Variants in NME4 observed in about 807,000 individuals in gnomAD.
NME4 encodes the protein nucleoside diphosphate kinase D, mitochondrial.
In NME4, 21 loss-of-function variants were observed where a neutral mutation model predicts 16.4. The ratio of observed to expected loss-of-function variants is 1.28; its 90% CI spans 0.91 to 1.84. NME4 has a LOEUF of 1.84. Among genes scored for constraint, NME4 ranks in the 40% most tolerant of loss-of-function variants. NME4 has a pLI of 0.00. For missense variants in NME4, 316 were observed against 261.3 expected (o/e 1.21, Z -1.44); for synonymous variants, 132 against 107.5 (o/e 1.23, Z -1.41).
chr16:400,478 G>C lies in NME4; in HGVS notation c.*136G>C, dbSNP rs2054639802. 1.7e-6 allele frequency: 2 copies of C among 1,143,436 alleles called. No individual in the cohort carries two copies. Among genetic ancestry groups the C allele is most frequent in the Non-Finnish European group, 2.4e-6 (2 of 842,962 alleles). 70.8% of individuals were successfully genotyped at this position (1,143,436 alleles called of 1,614,324 possible). A position where few individuals can be genotyped will look rare whatever the true frequency, so the allele number is the denominator to read the frequency against. On this transcript the variant is annotated 3_prime_UTR_variant, in exon 5 of 5. Coordinates refer to ENST00000219479, the MANE Select transcript of NME4 (RefSeq NM_005009.3). ...TTCACCTCTGCCCCACCCCAGCCCA[G>C]AGGAGTTTGAGCCACCAACTTCAGT...
In NME4 at chr16:399,029, T is replaced by C; in HGVS notation, c.131T>C (p.Val44Ala). Residue 44 changes from valine (V) to alanine (A), a missense_variant, in exon 2 of 5, where the codon GTG becomes GCG. Transcript: ENST00000219479. ...SWTRERTLVA[V>A]KPDGVQRRLV... Reference sequence around the variant, plus strand: ...ACCCGGGAGCGGACCCTGGTGGCGGTGAAGCCCGATGGCGTGCAACGGCGG... The same window carrying C: ...ACCCGGGAGCGGACCCTGGTGGCGGCGAAGCCCGATGGCGTGCAACGGCGG... 3 of 1,609,448 alleles carry C rather than the reference T, an allele frequency of 1.9e-6. No individual in the cohort carries two copies. Among genetic ancestry groups the C allele is most frequent in the South Asian group, 1.1e-5 (1 of 91,066 alleles).
At chr16:397,762 C>A (rs1461893983) in intron 1 of NME4, 1 of 1,132,512 alleles carries the variant, frequency 8.8e-7, no homozygotes, top group Non-Finnish European at 1.1e-6. Context: ...TCCGCTGGGG[C>A]GTTCGCTGAA....
intron 1 of NME4, chr16:398,434 G>C: frequency 8.4e-7 from 1 of 1,195,580 alleles, no homozygotes; most frequent in Non-Finnish European, 1.1e-6. Context: ...ATTCACCTCA[G>C]ACACAGGGTG....
intron 1 of NME4, chr16:397,942 AGCCCCAGGCTACACAAGGC>A (rs1274353815): frequency 1.0e-5 from 16 of 1,549,316 alleles, no homozygotes; most frequent in Non-Finnish European, 1.4e-5. Context: ...GCCGCAGCAG[AGCCCCAGGCTACACAAGGC>A]GCCCTGCAAA....
At chr16:399,980 C>T (rs28394836) in intron 4 of NME4, 280,669 of 676,946 alleles carry the variant, frequency 0.41, 59,776 homozygotes, top group African/African-American at 0.58. Flanking sequence ...GGGGTTGGCA[C>T]GGGGCAACTT....
intron 3 of NME4, 46 bp from the exon 4 acceptor site, chr16:399,581 C>A: frequency 6.3e-7 from 1 of 1,596,548 alleles, no homozygotes; most frequent in Non-Finnish European, 8.6e-7. Context: ...AGCCCAGGGG[C>A]CCTTGGTGTT....
chr16:397,826 C>G (rs1238792779), intron 1 of NME4: 2 of 1,519,784 alleles, frequency 1.3e-6, no homozygotes, highest in Non-Finnish European at 8.8e-7. Flanking sequence ...TCCCCGGCCC[C>G]GCCGCTGCCC....
In NME4 at chr16:399,607, A is replaced by C. The variant is rs1278819706; in HGVS notation, c.328-20A>C. Reference sequence around the variant, plus strand: ...CCTTGGTGTTCCCCACTTCTCCCCAACCATTATCTCTCGCTGCAGGTCTGG... The same window carrying C: ...CCTTGGTGTTCCCCACTTCTCCCCACCCATTATCTCTCGCTGCAGGTCTGG... On this transcript the variant is annotated intron_variant, in intron 3 of 4. Coordinates refer to ENST00000219479, the MANE Select transcript of NME4 (RefSeq NM_005009.3). 6.2e-7 allele frequency: 1 copy of C among 1,610,498 alleles called. No homozygotes were observed.
At chr16:399,981 G>GTA (rs2054625167) in intron 4 of NME4, 3 of 682,838 alleles carry the variant, frequency 4.4e-6, no homozygotes, top group Non-Finnish European at 5.0e-6. Flanking sequence ...GGGTTGGCAC[G>GTA]GGGCAACTTG....
At chr16:397,185 C>T (rs2054559006), upstream of NME4, 1 of 928,638 alleles carries the variant, frequency 1.1e-6, no homozygotes, top group Non-Finnish European at 1.3e-6. Context: ...CCTCCGCGCC[C>T]GCTCCTCGCG....
At position 400,299 on chromosome 16, in the gene NME4, G is replaced by A; in HGVS notation, c.521G>A (p.Ser174Asn). ...QLWFQSSELV[S>N]WADGGQHSSI... ...TGGTTCCAGAGCAGTGAGCTGGTGA[G>A]CTGGGCAGACGGGGGCCAGCACAGC... Residue 174 changes from serine to asparagine, a missense_variant, in exon 5 of 5, where the codon AGC (serine) becomes AAC (asparagine). Coordinates refer to ENST00000219479, the MANE Select transcript of NME4 (RefSeq NM_005009.3). The A allele has an allele frequency of 6.2e-7, 1 of 1,606,982 alleles. No individual in the cohort carries two copies. The highest frequency in any genetic ancestry group is 1.7e-5 in the Admixed American group (1 of 59,112).
intron 1 of NME4, chr16:398,241 C>G (rs1355834465): frequency 7.0e-7 from 1 of 1,422,166 alleles, no homozygotes; most frequent in Non-Finnish European, 9.4e-7. Context: ...TGGGGCGGAG[C>G]TCAGCGCTGA....
At chr16:397,108 CGGCGGGG>C (rs2054557496), upstream of NME4, 2 of 52,512 alleles carry the variant, frequency 3.8e-5, no homozygotes, top group African/African-American at 9.9e-4. Flanking sequence ...GGGTCCGGGG[CGGCGGGG>C]GGCTCCGGGG....
At chr16:398,314 C>T (rs1257898288) in intron 1 of NME4, 13 of 1,330,350 alleles carry the variant, frequency 9.8e-6, no homozygotes, top group South Asian at 4.9e-5. Flanking sequence ...TCTCCTGGCT[C>T]GGACAGAACC....
At position 400,515 on chromosome 16, in the gene NME4, C is replaced by A. The variant is rs2054640586; in HGVS notation, c.*173C>A. Reference sequence around the variant, plus strand: ...CCACCAACTTCAGTGCCTTTCTGTACCCCAAGCCAGCACAAGATTGGACCA... The same window carrying A: ...CCACCAACTTCAGTGCCTTTCTGTAACCCAAGCCAGCACAAGATTGGACCA... On this transcript the variant is annotated 3_prime_UTR_variant, in exon 5 of 5. Coordinates refer to ENST00000219479, the MANE Select transcript of NME4 (RefSeq NM_005009.3). 1 of 709,820 alleles carries A rather than the reference C, an allele frequency of 1.4e-6. No homozygotes were observed. Among genetic ancestry groups the A allele is most frequent in the Non-Finnish European group, 2.2e-6 (1 of 456,982 alleles). 44.0% of individuals were successfully genotyped at this position (709,820 alleles called of 1,614,324 possible).
At chr16:398,302 C>G (rs189522411) in intron 1 of NME4, 1 of 1,345,152 alleles carries the variant, frequency 7.4e-7, no homozygotes, top group South Asian at 1.2e-5. Flanking sequence ...GCACAGGCCC[C>G]GTCTCCTGGC....
intron 1 of NME4, chr16:398,129 C>G: frequency 5.2e-6 from 8 of 1,532,874 alleles, no homozygotes; most frequent in Non-Finnish European, 7.0e-6. Flanking sequence ...AAACCAGGGA[C>G]CCGATGCCGG....
intron 1 of NME4, chr16:397,906 A>G (rs1210586014): frequency 6.4e-7 from 1 of 1,552,078 alleles, no homozygotes; most frequent in Non-Finnish European, 8.7e-7. Flanking sequence ...CTGAAAAGTG[A>G]GCCGCCGCCT....
At chr16:397,126 C>CG (rs538831136), upstream of NME4, 2 of 274,810 alleles carry the variant, frequency 7.3e-6, no homozygotes, top group Non-Finnish European at 9.7e-6. Context: ...GGCTCCGGGG[C>CG]GGCGGGGGGC....
Sources: gnomAD v4.1 joint callset for allele counts on GRCh38, gnomAD v4.1.1 for gene constraint, MANE v1.5 for transcripts, NCBI Gene and HGNC (gene_info 2026-07-23, HGNC 2026-07-21) for gene names.